Variants in PTPRG observed in about 807,000 individuals in gnomAD.
The protein encoded by PTPRG is receptor-type tyrosine-protein phosphatase gamma.
In PTPRG, 102 loss-of-function variants were observed where a neutral mutation model predicts 165.3. The observed-to-expected ratio is 0.62, with a 90% CI of 0.53 to 0.73. PTPRG has a LOEUF of 0.73. PTPRG is among the 30% of genes least tolerant of loss of function. PTPRG has a pLI of 0.00. For missense variants in PTPRG, 1,866 were observed against 1,861.4 expected (o/e 1.00, Z -0.05); for synonymous variants, 675 against 669.5 (o/e 1.01, Z -0.13).
chr3:61,608,632 A>T (rs1379253500), intron 1 of PTPRG, among the ~76,000 whole-genome samples: 1 of 152,332 alleles, frequency 6.6e-6, no homozygotes, highest in East Asian at 1.9e-4. Flanking sequence ...CTGCTCAATC[A>T]GCTGGCTCTG....
At chr3:61,888,044 A>G (rs1354484519) in intron 2 of PTPRG, among the ~76,000 whole-genome samples, 3 of 152,200 alleles carry the variant, frequency 2.0e-5, no homozygotes. Context: ...TAAAATAGGT[A>G]TTATGTGATG....
At chr3:61,888,395 G>A (rs1261666986) in intron 2 of PTPRG, among the ~76,000 whole-genome samples, 1 of 151,912 alleles carries the variant, frequency 6.6e-6, no homozygotes, top group East Asian at 1.9e-4. Context: ...GTGCAGTGGT[G>A]CAATCTAGGC....
chr3:61,664,253 A>G (rs914441356), intron 1 of PTPRG, among the ~76,000 whole-genome samples: 1 of 152,098 alleles, frequency 6.6e-6, no homozygotes, highest in African/African-American at 2.4e-5. Context: ...CGCCCCTCGC[A>G]TTTTTAAGAA....
Position 62,267,681 on chromosome 3 carries a change from G to A in PTPRG, c.2740-4G>A. ...ATCTCACTTTGTGCTGTGTCATTTT[G>A]AAGGGTTACAACAAAGCAAAAGCCT... On this transcript the variant is annotated splice_region_variant and splice_polypyrimidine_tract_variant and intron_variant, in intron 18 of 29. Coordinates refer to ENST00000474889, the MANE Select transcript of PTPRG (RefSeq NM_002841.4). 2 of 1,608,910 alleles carry A rather than the reference G, an allele frequency of 1.2e-6. No individual in the cohort carries two copies. The highest frequency in any genetic ancestry group is 8.5e-7 in the Non-Finnish European group (1 of 1,178,288).
At chr3:62,262,253 T>C (rs1265431347) in intron 16 of PTPRG, 2 of 152,230 alleles carry the variant, frequency 1.3e-5, no homozygotes, top group African/African-American at 4.8e-5. Context: ...TGGGCTGTTA[T>C]TAGGGTTATT....
At chr3:61,643,804 T>C (rs1702127511) in intron 1 of PTPRG, among the ~76,000 whole-genome samples, 1 of 151,954 alleles carries the variant, frequency 6.6e-6, no homozygotes, top group Non-Finnish European at 1.5e-5. Context: ...ACACAGTGAA[T>C]GTATATAGAG....
At chr3:61,953,082 G>A (rs1055344819) in intron 2 of PTPRG, among the ~76,000 whole-genome samples, 4 of 151,982 alleles carry the variant, frequency 2.6e-5, no homozygotes, top group African/African-American at 7.3e-5. Flanking sequence ...TCTACTTACC[G>A]TGCCCCAGGT....
chr3:61,993,473 C>A (rs934135748), intron 3 of PTPRG, among the ~76,000 whole-genome samples: 25 of 152,228 alleles, frequency 1.6e-4, no homozygotes, highest in African/African-American at 6.0e-4. Flanking sequence ...CCCACTTCTG[C>A]CTCCCAAAGT....
chr3:62,262,628 C>A, intron 16 of PTPRG, 170 bp from the exon 17 acceptor site: 1 of 460,308 alleles, frequency 2.2e-6, no homozygotes, highest in South Asian at 5.3e-5. Flanking sequence ...ACCTTTTTCA[C>A]ATTCTTCATA....
At chr3:61,839,745 A>G (rs887980314) in intron 2 of PTPRG, among the ~76,000 whole-genome samples, 3 of 152,244 alleles carry the variant, frequency 2.0e-5, no homozygotes, top group African/African-American at 7.2e-5. Flanking sequence ...AATTAATTAC[A>G]TTAGGGAAAA....
chr3:61,691,868 A>G (rs1300233045), intron 1 of PTPRG, among the ~76,000 whole-genome samples: 1 of 40,192 alleles, frequency 2.5e-5, no homozygotes, highest in East Asian at 7.2e-4. Context: ...TGTTAAATAA[A>G]GAGGACTTAC....
At chr3:62,101,967 CT>C (rs952966412) in intron 5 of PTPRG, among the ~76,000 whole-genome samples, 8 of 152,122 alleles carry the variant, frequency 5.3e-5, no homozygotes, top group Non-Finnish European at 1.0e-4. Flanking sequence ...GTATCTCTTT[CT>C]TTTTTTAAGT....
Position 62,271,574 on chromosome 3 carries a change from C to T in PTPRG, c.3182+19C>T, listed in dbSNP as rs544037848. 4 of 1,604,944 alleles carry T rather than the reference C, an allele frequency of 2.5e-6. No homozygotes were observed. In the African/African-American group the frequency reaches 5.3e-5, roughly 21 times the overall value. On this transcript the variant is annotated intron_variant, in intron 21 of 29. Transcript: ENST00000474889. The surrounding 1 kb of genome is among the most constrained non-coding windows in gnomAD (Gnocchi z 4.1). ...ACTGCAGGTAGGGTCTAGGATTCAA[C>T]ATGTGAAATAGATGGGGCAGGGGAC... is the stretch of plus-strand genomic sequence containing the variant.
chr3:61,770,354 A>G (rs1450095914), intron 2 of PTPRG: 1 of 152,224 alleles, frequency 6.6e-6, no homozygotes, highest in Non-Finnish European at 1.5e-5. Flanking sequence ...GCTTCATGTT[A>G]TATTTCCTCA....
chr3:61,833,729 C>CT (rs1179230243), intron 2 of PTPRG, among the ~76,000 whole-genome samples: 2 of 151,802 alleles, frequency 1.3e-5, no homozygotes, highest in African/African-American at 4.8e-5. Context: ...CGCCTGGCTA[C>CT]TTTTTTTGTA....
rs62620047 is a variant in PTPRG at position 61,989,708 on chromosome 3, T to C, written c.274T>C (p.Tyr92His). The change falls in exon 3 of 30, where the codon TAT (tyrosine) becomes CAT (histidine). Residue 92 changes from tyrosine (Y) to histidine (H), a missense_variant. Tyr to His is a moderately conservative substitution (Grantham distance 83). Coordinates refer to ENST00000474889, the MANE Select transcript of PTPRG (RefSeq NM_002841.4). The stretch of plus-strand genomic sequence containing the variant: ...GTCTCCTATTGACATTTTAGACCAG[T>C]ATGCGCGTGTTGGGGAAGAATACCA... ...HQSPIDILDQ[Y>H]ARVGEEYQEL... 209,013 of 1,613,914 alleles carry C rather than the reference T, an allele frequency of 0.13. 14,585 individuals are homozygous for C. Among genetic ancestry groups the C allele is most frequent in the Middle Eastern group, 0.22 (1,326 of 6,060 alleles).
chr3:61,711,890 A>T (rs906470585), intron 1 of PTPRG, among the ~76,000 whole-genome samples: 1 of 144,490 alleles, frequency 6.9e-6, no homozygotes, highest in South Asian at 2.2e-4. Context: ...ATGTTATTAT[A>T]GTCTTTTTTT....
At position 62,228,883 on chromosome 3, in the gene PTPRG, C is replaced by G. The variant is rs774324662; in HGVS notation, c.2289-2342C>G. Among the ~76,000 whole-genome samples, 2 of 152,202 alleles carry G rather than the reference C, an allele frequency of 1.3e-5. No homozygotes were observed. The highest frequency in any genetic ancestry group is 2.9e-5 in the Non-Finnish European group (2 of 68,038). ...TTTGGTGGGTTTGTGTGATCACCAT[C>G]TTTTCTACCAACAGACCATTTACTG... On this transcript the variant is annotated intron_variant, in intron 13 of 29. Transcript: ENST00000474889. This position sits in a 1 kb window ranked among gnomAD's most constrained non-coding sequence, Gnocchi z 4.1.
chr3:62,053,089 A>G (rs921448352), intron 4 of PTPRG, among the ~76,000 whole-genome samples: 1 of 151,960 alleles, frequency 6.6e-6, no homozygotes, highest in Non-Finnish European at 1.5e-5. Context: ...GTTAGTGTGC[A>G]TTCCTCTGGC....
Sources: gnomAD v4.1 joint callset for allele counts (sites outside exome capture counted in the v4.1 genomes callset) on GRCh38, gnomAD v4.1.1 for gene constraint, Gnocchi (gnomAD v3.1) non-coding constraint, MANE v1.5 for transcripts, NCBI Gene and HGNC (gene_info 2026-07-23, HGNC 2026-07-21) for gene names.